Variants in SLC2A2 observed in about 807,000 individuals in gnomAD.
SLC2A2 encodes the protein solute carrier family 2, facilitated glucose transporter member 2.
A neutral mutation model predicts 54.5 loss-of-function variants in SLC2A2; 36 were observed. The observed-to-expected ratio is 0.66, with a 90% confidence interval of 0.51 to 0.87. The LOEUF (loss-of-function observed/expected upper bound fraction) is 0.87. Among genes scored for constraint, SLC2A2 ranks in the 40% least tolerant of loss-of-function variants. The probability of loss-of-function intolerance (pLI) is 0.00; values close to 1 mark genes in which losing one functional copy is unlikely to be tolerated. For missense variants in SLC2A2, 543 were observed against 624.3 expected, an observed-to-expected ratio of 0.87 and a Z score of 1.39; for synonymous variants, 223 against 219.1, an observed-to-expected ratio of 1.02 and a Z score of -0.16.
rs530771127 is a variant in SLC2A2 at position 171,002,403 on chromosome 3, A to G, written c.1068+173T>C. 3.3e-5 allele frequency among the ~76,000 whole-genome samples: 5 copies of G among 152,126 alleles called. No individual in the cohort carries two copies. The East Asian group carries it at 7.8e-4, about 24-fold the overall frequency. On this transcript the variant is annotated intron_variant, in intron 8 of 10. Coordinates refer to ENST00000314251, the MANE Select transcript of SLC2A2 (RefSeq NM_000340.2). ...TTCACCTCAGTTATGCCTAATCTCA[A>G]TGCAGTGGTTGGCTTATTCAAACAG...
rs2108233335 is a variant in SLC2A2 at position 170,998,391 on chromosome 3, C to T, written c.1176G>A (p.Lys392=). Residue 392 remains lysine (K), a synonymous_variant, in exon 10 of 11, where the codon AAG becomes AAA. Transcript: ENST00000314251. ...FMSVGLVLLN[K]FSWMSYVSMI... The stretch of plus-strand genomic sequence containing the variant: ...TGCTCACATAACTCATCCAAGAGAA[C>T]TTATTCTGAGGAAAAAAACAAAAAC... 2 of 1,613,358 alleles carry T rather than the reference C, an allele frequency of 1.2e-6. No homozygotes were observed. Among genetic ancestry groups the T allele is most frequent in the South Asian group, 1.1e-5 (1 of 91,050 alleles).
chr3:171,012,900 A>G lies in SLC2A2; in HGVS notation c.371+1569T>C, dbSNP rs547915870. ...TTTGACATTGTTTTGGGGTATAACCATTGTTGATGCCAAATCCTAAGACTT... is the reference window on the plus strand; with the variant it reads ...TTTGACATTGTTTTGGGGTATAACCGTTGTTGATGCCAAATCCTAAGACTT... On this transcript the variant is annotated intron_variant, in intron 3 of 10. Transcript: ENST00000314251. Among the ~76,000 whole-genome samples the G allele has an allele frequency of 2.0e-5, 3 of 152,294 alleles. No individual in the cohort carries two copies. In the South Asian group the frequency reaches 6.2e-4, roughly 32 times the overall value.
chr3:171,005,528 A>C, intron 6 of SLC2A2, 56 bp from the exon 7 acceptor site: 2 of 1,398,440 alleles, frequency 1.4e-6, no homozygotes, highest in Non-Finnish European at 2.0e-6. Context: ...AAAGAAATTT[A>C]TTTTTATGTT....
At chr3:171,008,616 A>G (rs781744767) in intron 4 of SLC2A2, among the ~76,000 whole-genome samples, 1 of 152,072 alleles carries the variant, frequency 6.6e-6, no homozygotes, top group Non-Finnish European at 1.5e-5. Flanking sequence ...TTTGTTTTCA[A>G]TTTTACCAAA....
chr3:171,012,477 C>T (rs1372608291), intron 3 of SLC2A2, among the ~76,000 whole-genome samples: 1 of 152,140 alleles, frequency 6.6e-6, no homozygotes, highest in African/African-American at 2.4e-5. Context: ...AGACCATAGT[C>T]TTCTCTACCG....
intron 3 of SLC2A2, among the ~76,000 whole-genome samples, chr3:171,012,977 A>G (rs1715961646): frequency 6.6e-6 from 1 of 152,176 alleles, no homozygotes; most frequent in Admixed American, 6.6e-5. Flanking sequence ...GTTAACACTA[A>G]TTAAATGTTT....
intron 1 of SLC2A2, among the ~76,000 whole-genome samples, chr3:171,021,545 G>GGAGGCT (rs1716467997): frequency 6.6e-6 from 1 of 152,130 alleles, no homozygotes; most frequent in Non-Finnish European, 1.5e-5. Flanking sequence ...CCAGCGTTTG[G>GGAGGCT]GAGGCTGAGG....
intron 8 of SLC2A2, among the ~76,000 whole-genome samples, chr3:171,000,906 T>C (rs1208776719): frequency 6.6e-6 from 1 of 152,080 alleles, no homozygotes; most frequent in African/African-American, 2.4e-5. Context: ...TTTTATACTT[T>C]TTGAACTTTA....
chr3:171,005,839 ATTC>A (rs1226280286), intron 6 of SLC2A2, 101 bp downstream of exon 6: 5 of 1,213,314 alleles, frequency 4.1e-6, no homozygotes, highest in African/African-American at 3.0e-5. Flanking sequence ...GATTTTGCAC[ATTC>A]TTCTTACATT....
intron 4 of SLC2A2, 36 bp downstream of exon 4, chr3:171,009,922 T>C: frequency 2.0e-6 from 3 of 1,515,662 alleles, no homozygotes; most frequent in Non-Finnish European, 2.7e-6. Context: ...GGTGTGTGTG[T>C]GTGTGTGTGT....
chr3:171,026,517 C>T (rs535538044), intron 1 of SLC2A2, 139 bp downstream of exon 1: 50 of 777,694 alleles, frequency 6.4e-5, no homozygotes, highest in Non-Finnish European at 1.1e-4. Context: ...AACAGTTCTT[C>T]AATTGGCAAA....
chr3:171,014,531 G>A lies in SLC2A2; in HGVS notation c.309C>T (p.Ser103=), dbSNP rs578020374. The A allele has an allele frequency of 3.1e-6, 5 of 1,614,118 alleles. No individual in the cohort carries two copies. In the Admixed American group the frequency reaches 8.3e-5, roughly 27 times the overall value. Residue 103 remains serine, a synonymous_variant, in exon 3 of 11, where the codon AGC becomes AGT. Coordinates refer to ENST00000314251, the MANE Select transcript of SLC2A2 (RefSeq NM_000340.2). The part of the protein sequence containing the change: ...ITMLWSLSVS[S]FAVGGMTASF... ...ATGCAGTCATTCCACCAACTGCAAAGCTGGATACAGACAGGGACCAGAGCA... is the reference window on the plus strand; with the variant it reads ...ATGCAGTCATTCCACCAACTGCAAAACTGGATACAGACAGGGACCAGAGCA...
chr3:171,010,597 T>C (rs1314180513), intron 3 of SLC2A2, among the ~76,000 whole-genome samples: 4 of 152,132 alleles, frequency 2.6e-5, no homozygotes, highest in Admixed American at 2.6e-4. Context: ...CCTACAACTT[T>C]TTTTTTCTTT....
At chr3:171,002,457 C>T (rs1001922997) in intron 8 of SLC2A2, 119 bp downstream of exon 8, 3 of 722,584 alleles carry the variant, frequency 4.2e-6, no homozygotes, top group Middle Eastern at 2.3e-4. Flanking sequence ...CTTGGGTTTA[C>T]ACACTTAGAG....
At chr3:170,998,512 C>T (rs1262129402) in intron 9 of SLC2A2, 116 bp from the exon 10 acceptor site, 2 of 770,490 alleles carry the variant, frequency 2.6e-6, no homozygotes, top group Non-Finnish European at 4.5e-6. Flanking sequence ...GTATTTTGTT[C>T]AAGCAAGTAT....
intron 1 of SLC2A2, among the ~76,000 whole-genome samples, chr3:171,025,262 C>T (rs2129019): frequency 6.6e-6 from 1 of 150,382 alleles, no homozygotes; most frequent in East Asian, 1.9e-4. Context: ...CTTTAAATAT[C>T]AAACATATAA....
intron 5 of SLC2A2, 149 bp from the exon 6 acceptor site, chr3:171,006,254 C>T: frequency 1.5e-6 from 1 of 645,274 alleles, no homozygotes; most frequent in Non-Finnish European, 2.7e-6. Context: ...TATTGTATCT[C>T]ACTTTAACTA....
At chr3:171,022,974 A>G (rs961575612) in intron 1 of SLC2A2, among the ~76,000 whole-genome samples, 3 of 152,214 alleles carry the variant, frequency 2.0e-5, no homozygotes, top group Non-Finnish European at 2.9e-5. Flanking sequence ...AAATTGTTCT[A>G]TAGTATAGAA....
At chr3:171,022,780 G>A (rs540925259) in intron 1 of SLC2A2, among the ~76,000 whole-genome samples, 2 of 152,282 alleles carry the variant, frequency 1.3e-5, no homozygotes, top group Non-Finnish European at 1.5e-5. Context: ...GAGCAGGGGC[G>A]ACACAGAAAT....
Sources: gnomAD v4.1 joint callset for allele counts (sites outside exome capture counted in the v4.1 genomes callset) on GRCh38, gnomAD v4.1.1 for gene constraint, MANE v1.5 for transcripts, NCBI Gene and HGNC (gene_info 2026-07-23, HGNC 2026-07-21) for gene names.